Variants in SND1 observed in about 807,000 individuals in gnomAD.
SND1 encodes staphylococcal nuclease domain-containing protein 1.
A neutral mutation model predicts 121.7 loss-of-function variants in SND1; 38 were observed. The observed-to-expected ratio is 0.31, with a 90% CI of 0.24 to 0.41. The LOEUF is 0.41. SND1 is among the 10% of genes least tolerant of loss of function. SND1 has a pLI of 1.00. For synonymous variants in SND1, 401 were observed against 447.4 expected (o/e 0.90, Z 1.31); for missense variants, 868 against 1,184.6 (o/e 0.73, Z 3.92).
intron 16 of SND1, among the ~76,000 whole-genome samples, chr7:127,996,031 T>C (rs1393089858): frequency 6.6e-6 from 1 of 152,082 alleles, no homozygotes; most frequent in Non-Finnish European, 1.5e-5. Context: ...CCTATTTCCC[T>C]TCTCCCTGCT....
At chr7:127,882,920 G>T (rs1175009599) in intron 12 of SND1, among the ~76,000 whole-genome samples, 1 of 152,108 alleles carries the variant, frequency 6.6e-6, no homozygotes, top group Middle Eastern at 3.2e-3. Flanking sequence ...CATATAAAAA[G>T]GGACCTAACA....
rs1316392301 is a variant in SND1, at chr7:127,828,625, CT to C, written c.1243-15696del. The stretch of plus-strand genomic sequence containing the variant: ...TGCTAGAAATTTTGGCTTTGTTCTT[CT>C]TTCTTGTAGAGTTGTCTAAAATTTT... On this transcript the variant is annotated intron_variant, in intron 11 of 23. Transcript: ENST00000354725. Among the ~76,000 whole-genome samples, 3 of 152,186 alleles carry C rather than the reference CT, an allele frequency of 2.0e-5. No homozygotes were observed. The East Asian group carries it at 5.8e-4, about 29-fold the overall frequency.
chr7:127,970,899 C>T (rs1354169701), intron 15 of SND1, among the ~76,000 whole-genome samples: 2 of 151,892 alleles, frequency 1.3e-5, no homozygotes, highest in African/African-American at 2.4e-5. Flanking sequence ...CACTTGAGCC[C>T]AGGAGTTTGA....
intron 1 of SND1, 45 bp downstream of exon 1, chr7:127,652,496 C>T (rs1203403971): frequency 2.0e-6 from 3 of 1,490,186 alleles, no homozygotes; most frequent in African/African-American, 1.4e-5. Flanking sequence ...TGCCTTCGGG[C>T]GGGAGTCAGG....
intron 8 of SND1, among the ~76,000 whole-genome samples, chr7:127,707,084 T>C (rs1484107920): frequency 6.6e-6 from 1 of 152,220 alleles, no homozygotes; most frequent in African/African-American, 2.4e-5. Context: ...AGTGAACTTA[T>C]GAGGATTTTG....
intron 12 of SND1, among the ~76,000 whole-genome samples, chr7:127,868,489 C>T (rs183280796): frequency 6.6e-6 from 1 of 152,310 alleles, no homozygotes; most frequent in East Asian, 1.9e-4. Flanking sequence ...TTTGACTTAA[C>T]AAATGCTCGT....
chr7:128,031,766 G>A (rs908708041), intron 16 of SND1: 5 of 145,364 alleles, frequency 3.4e-5, no homozygotes, highest in African/African-American at 7.4e-5. Flanking sequence ...CCCCGGCGGC[G>A]CGCAACCGCC....
At chr7:127,669,218 C>G (rs1795472958) in intron 1 of SND1, among the ~76,000 whole-genome samples, 1 of 152,230 alleles carries the variant, frequency 6.6e-6, no homozygotes, top group Admixed American at 6.5e-5. Context: ...GTCTCGAACT[C>G]TTGCTCAGGT....
chr7:127,718,704 G>A (rs1796435102), intron 9 of SND1: 12 of 985,356 alleles, frequency 1.2e-5, no homozygotes, highest in Non-Finnish European at 1.4e-5. Context: ...CCTAATTCCA[G>A]TAACTTGTTA....
chr7:127,671,549 T>C (rs539665860), intron 1 of SND1, among the ~76,000 whole-genome samples: 9 of 152,114 alleles, frequency 5.9e-5, no homozygotes, highest in Non-Finnish European at 1.3e-4. Context: ...CGGGCTGGAG[T>C]GCAGTGGCTC....
At chr7:127,852,403 G>T (rs1035872175) in intron 12 of SND1, among the ~76,000 whole-genome samples, 2 of 149,016 alleles carry the variant, frequency 1.3e-5, no homozygotes, top group African/African-American at 5.0e-5. Context: ...CAGGAGAATC[G>T]CTTGAACCCT....
chr7:127,971,357 A>G (rs1801982458), intron 15 of SND1, among the ~76,000 whole-genome samples: 1 of 152,216 alleles, frequency 6.6e-6, no homozygotes, highest in African/African-American at 2.4e-5. Context: ...TAAATAGTTT[A>G]TTATGGCTGT....
chr7:127,655,459 C>T (rs1795194153), intron 1 of SND1, among the ~76,000 whole-genome samples: 1 of 152,116 alleles, frequency 6.6e-6, no homozygotes, highest in Non-Finnish European at 1.5e-5. Flanking sequence ...TAAGTTGATA[C>T]AGATATTTTG....
chr7:127,917,656 C>T lies in SND1; in HGVS notation c.1528-11532C>T, dbSNP rs187616067. 9.5e-4 allele frequency among the ~76,000 whole-genome samples: 144 copies of T among 152,292 alleles called. 1 individual carries two copies. Among genetic ancestry groups the T allele is most frequent in the Middle Eastern group, 3.4e-3 (1 of 294 alleles). On this transcript the variant is annotated intron_variant, in intron 14 of 23. Transcript: ENST00000354725. ...AGAGCTGATTTAGAACTCCTGAGCT[C>T]AAGTGATTCTCCCACCTGGGCCTCC...
intron 1 of SND1, among the ~76,000 whole-genome samples, chr7:127,658,122 A>G (rs1433010696): frequency 6.6e-6 from 1 of 152,072 alleles, no homozygotes; most frequent in Non-Finnish European, 1.5e-5. Context: ...GACTAGCCCA[A>G]CCAACATGGC....
chr7:127,780,286 AGTT>A (rs1459522381), intron 10 of SND1, among the ~76,000 whole-genome samples: 1 of 152,254 alleles, frequency 6.6e-6, no homozygotes. Flanking sequence ...GGTAGCTTCT[AGTT>A]GTGAAATCTA....
At chr7:128,083,182 C>T (rs372831810) in intron 18 of SND1, among the ~76,000 whole-genome samples, 16 of 152,278 alleles carry the variant, frequency 1.1e-4, no homozygotes, top group African/African-American at 3.6e-4. Context: ...AGGGATCTGA[C>T]GAAAACATTG....
intron 16 of SND1, chr7:128,030,706 C>T (rs939492991): frequency 6.0e-6 from 9 of 1,510,430 alleles, no homozygotes; most frequent in Admixed American, 2.2e-5. Flanking sequence ...CCAGCCCTAC[C>T]CCGGCTTAAG....
intron 16 of SND1, among the ~76,000 whole-genome samples, chr7:128,045,464 T>C (rs1792929790): frequency 6.6e-6 from 1 of 152,086 alleles, no homozygotes; most frequent in Admixed American, 6.6e-5. Context: ...CAGAGATGGG[T>C]TTGGGGCACA....
Sources: allele counts gnomAD v4.1 joint callset (sites outside exome capture counted in the v4.1 genomes callset), GRCh38; gene constraint gnomAD v4.1.1; transcripts MANE v1.5; gene names NCBI Gene and HGNC (gene_info 2026-07-23, HGNC 2026-07-21).